Variants in GRIP1 observed in about 807,000 individuals in gnomAD.
GRIP1 encodes glutamate receptor-interacting protein 1.
A neutral mutation model predicts 129.9 loss-of-function variants in GRIP1; 45 were observed. The observed-to-expected ratio is 0.35, with a 90% CI of 0.27 to 0.44. The LOEUF is 0.44. GRIP1 is among the 20% of genes least tolerant of loss of function. The pLI is 1.00. For synonymous variants in GRIP1, 530 were observed against 520.8 expected (o/e 1.02, Z -0.24); for missense variants, 1,196 against 1,396.8 (o/e 0.86, Z 2.29).
At chr12:66,604,704 T>C (rs1184212553) in intron 1 of GRIP1, among the ~76,000 whole-genome samples, 1 of 152,206 alleles carries the variant, frequency 6.6e-6, no homozygotes, top group East Asian at 1.9e-4. Context: ...AAAATTTGGA[T>C]TGCCTCAGCT....
At chr12:66,617,204 T>G (rs2065080099) in intron 1 of GRIP1, among the ~76,000 whole-genome samples, 1 of 150,514 alleles carries the variant, frequency 6.6e-6, no homozygotes, top group Non-Finnish European at 1.5e-5. Flanking sequence ...AACCTCTGTG[T>G]TGGGACCAAG....
intron 1 of GRIP1, among the ~76,000 whole-genome samples, chr12:66,942,561 C>A (rs1337796499): frequency 6.6e-6 from 1 of 152,304 alleles, no homozygotes; most frequent in African/African-American, 2.4e-5. Context: ...GCACCTGTTA[C>A]TAATCACACC....
rs1282165326 is a variant in GRIP1 at position 66,572,030 on chromosome 12, TA to T, written c.136+24816del. On this transcript the variant is annotated intron_variant, in intron 2 of 24. Transcript: ENST00000359742. Reference sequence around the variant, plus strand: ...ATGTTTTAAATCAACTTCTCAGGCCTAAAAAAACCCCACACTTCTGGATTCT... The same window carrying T: ...ATGTTTTAAATCAACTTCTCAGGCCTAAAAAACCCCACACTTCTGGATTCT... Among the ~76,000 whole-genome samples, 5 of 152,070 alleles carry T rather than the reference TA, an allele frequency of 3.3e-5. No homozygotes were observed. In the East Asian group the frequency reaches 7.7e-4, roughly 23 times the overall value.
At chr12:66,381,474 A>C (rs1264727647) in intron 19 of GRIP1, among the ~76,000 whole-genome samples, 1 of 152,210 alleles carries the variant, frequency 6.6e-6, no homozygotes, top group Admixed American at 6.5e-5. Flanking sequence ...CTCAGCTTTT[A>C]TAATACAAAG....
Position 66,596,935 on chromosome 12 carries a change from G to C in GRIP1, c.56-8C>G. On this transcript the variant is annotated splice_polypyrimidine_tract_variant and splice_region_variant and intron_variant, in intron 1 of 24. Coordinates refer to ENST00000359742, the MANE Select transcript of GRIP1 (RefSeq NM_001366722.1). ...TAGTGTAGGGACTCTCATCTGCAAA[G>C]GTACAATGAAGCGTTTGGTTAATTT... The C allele has an allele frequency of 6.3e-7, 1 of 1,594,546 alleles. No homozygotes were observed. The highest frequency in any genetic ancestry group is 8.6e-7 in the Non-Finnish European group (1 of 1,162,192).
intron 9 of GRIP1, among the ~76,000 whole-genome samples, chr12:66,461,633 C>T (rs967491787): frequency 2.0e-4 from 31 of 152,310 alleles, no homozygotes; most frequent in African/African-American, 7.5e-4. Flanking sequence ...TAATGTTGTA[C>T]TAGAGATTTT....
chr12:66,405,366 C>T (rs1288798109), intron 16 of GRIP1, among the ~76,000 whole-genome samples: 1 of 152,156 alleles, frequency 6.6e-6, no homozygotes, highest in Non-Finnish European at 1.5e-5. Context: ...CTGTAATTCC[C>T]CACATTAGCT....
chr12:66,890,604 C>T (rs2137229861), intron 1 of GRIP1, among the ~76,000 whole-genome samples: 1 of 152,196 alleles, frequency 6.6e-6, no homozygotes, highest in East Asian at 1.9e-4. Flanking sequence ...CAACTAAATA[C>T]TATTCTCTGC....
chr12:66,926,584 T>C (rs1315911940), intron 1 of GRIP1, among the ~76,000 whole-genome samples: 1 of 152,206 alleles, frequency 6.6e-6, no homozygotes, highest in African/African-American at 2.4e-5. Flanking sequence ...GGCTGGATGG[T>C]CTTTCAAGTC....
At chr12:66,409,385 G>C (rs2057307039) in intron 15 of GRIP1, among the ~76,000 whole-genome samples, 1 of 152,192 alleles carries the variant, frequency 6.6e-6, no homozygotes, top group South Asian at 2.1e-4. Flanking sequence ...TCTCTGCCTA[G>C]TAATCCAGAT....
At chr12:67,056,263 A>T (rs1025446639) in intron 1 of GRIP1, among the ~76,000 whole-genome samples, 1 of 152,212 alleles carries the variant, frequency 6.6e-6, no homozygotes, top group Non-Finnish European at 1.5e-5. Context: ...CATCTATTGC[A>T]TGATGTCTGG....
At chr12:66,562,363 G>A (rs562076810) in intron 2 of GRIP1, among the ~76,000 whole-genome samples, 2 of 152,280 alleles carry the variant, frequency 1.3e-5, no homozygotes, top group Admixed American at 1.3e-4. Flanking sequence ...AGAGCACTGT[G>A]ATGCTGCATT....
intron 4 of GRIP1, among the ~76,000 whole-genome samples, chr12:66,530,177 T>C (rs2061396016): frequency 6.6e-6 from 1 of 152,202 alleles, no homozygotes; most frequent in Non-Finnish European, 1.5e-5. Context: ...AGTTCGTTTC[T>C]AGATAAGAGG....
chr12:66,994,984 T>C lies in GRIP1; in HGVS notation c.58+74066A>G, dbSNP rs560510530. Among the ~76,000 whole-genome samples, 21 of 152,100 alleles carry C rather than the reference T, an allele frequency of 1.4e-4. 1 individual carries two copies. The South Asian group carries it at 4.4e-3, about 32-fold the overall frequency. ...TAATTAAGACAGTGGAGTGCTGACA[T>C]AAGGATAGATATGTAGATTAATGGA... On this transcript the variant is annotated intron_variant, in intron 1 of 1. Coordinates refer to the GRIP1 transcript ENST00000643019.
At position 66,477,854 on chromosome 12, in the gene GRIP1, T is replaced by C. The variant is rs983247040; in HGVS notation, c.725-12432A>G. 6.6e-5 allele frequency among the ~76,000 whole-genome samples: 10 copies of C among 152,292 alleles called. No individual in the cohort carries two copies. The East Asian group carries it at 1.9e-3, about 29-fold the overall frequency. ...AGAAAGCTGAAACTGGATCCCTTCCTTACACCTTATACAAAAATTAATTCA... is the reference window on the plus strand; with the variant it reads ...AGAAAGCTGAAACTGGATCCCTTCCCTACACCTTATACAAAAATTAATTCA... On this transcript the variant is annotated intron_variant, in intron 7 of 24. Transcript: ENST00000359742.
chr12:66,987,826 G>A (rs193174240), intron 1 of GRIP1, among the ~76,000 whole-genome samples: 228 of 152,250 alleles, frequency 1.5e-3, no homozygotes, highest in Non-Finnish European at 1.2e-3. Flanking sequence ...TCTTTTCTCT[G>A]TCACTCTTAT....
chr12:66,990,855 G>A (rs945484849), intron 1 of GRIP1, among the ~76,000 whole-genome samples: 5 of 151,960 alleles, frequency 3.3e-5, no homozygotes, highest in Non-Finnish European at 1.5e-5. Context: ...TTAGCCGGGC[G>A]TGTTGGCACA....
At chr12:66,507,393 G>A (rs1419257049) in intron 7 of GRIP1, among the ~76,000 whole-genome samples, 1 of 151,616 alleles carries the variant, frequency 6.6e-6, no homozygotes, top group Admixed American at 6.6e-5. Context: ...AGCCGAGATC[G>A]TGCCACTGCA....
intron 1 of GRIP1, among the ~76,000 whole-genome samples, chr12:66,949,520 T>C (rs1341492337): frequency 1.3e-5 from 2 of 152,132 alleles, no homozygotes; most frequent in Non-Finnish European, 2.9e-5. Context: ...AAAGGATGAA[T>C]TAAAGATGAA....
Sources: gnomAD v4.1 joint callset for allele counts (sites outside exome capture counted in the v4.1 genomes callset) on GRCh38, gnomAD v4.1.1 for gene constraint, MANE v1.5 for transcripts, NCBI Gene and HGNC (gene_info 2026-07-23, HGNC 2026-07-21) for gene names.